Variants in RNF217 observed in about 807,000 individuals in gnomAD.
RNF217 encodes the protein ring finger protein 217, also known as E3 ubiquitin-protein ligase RNF217.
In RNF217, 31 loss-of-function variants were observed where a neutral mutation model predicts 57.8. The ratio of observed to expected loss-of-function variants is 0.54; its 90% CI spans 0.40 to 0.72. The LOEUF is 0.72. RNF217 is among the 30% of genes least tolerant of loss of function. The pLI, the probability that RNF217 is intolerant of heterozygous loss-of-function variation, is 0.00. For missense variants in RNF217, 696 were observed against 708.3 expected, an observed-to-expected ratio of 0.98 and a Z score of 0.20; for synonymous variants, 313 against 294.0, an observed-to-expected ratio of 1.06 and a Z score of -0.66.
At chr6:125,054,318 T>C (rs1176600658) in intron 2 of RNF217, among the ~76,000 whole-genome samples, 1 of 152,134 alleles carries the variant, frequency 6.6e-6, no homozygotes, top group Non-Finnish European at 1.5e-5. Flanking sequence ...CCTCAATTAG[T>C]GAGGTTTAGT....
chr6:125,047,328 G>A (rs9375386), intron 2 of RNF217, among the ~76,000 whole-genome samples: 47,263 of 151,914 alleles, frequency 0.31, 8,205 homozygotes, highest in East Asian at 0.38. Flanking sequence ...TATGGCAATA[G>A]TGAAATGTTT....
At chr6:125,007,351 C>G (rs536742074) in intron 1 of RNF217, among the ~76,000 whole-genome samples, 55 of 151,328 alleles carry the variant, frequency 3.6e-4, no homozygotes, top group Non-Finnish European at 5.3e-4. Context: ...GTTCAAGCGA[C>G]TCTCCTGCCT....
At chr6:125,062,586 T>C (rs1303879009) in intron 3 of RNF217, among the ~76,000 whole-genome samples, 1 of 151,674 alleles carries the variant, frequency 6.6e-6, no homozygotes, top group East Asian at 1.9e-4. Flanking sequence ...TTTGTTTTTG[T>C]TTTTTTTGAG....
chr6:125,053,240 CT>C (rs1460194996), intron 2 of RNF217, among the ~76,000 whole-genome samples: 3 of 152,030 alleles, frequency 2.0e-5, no homozygotes, highest in African/African-American at 4.8e-5. Flanking sequence ...CTTTATAGCT[CT>C]TTTGGTTTAT....
chr6:124,980,257 G>C (rs1392924467), intron 1 of RNF217, among the ~76,000 whole-genome samples: 1 of 152,108 alleles, frequency 6.6e-6, no homozygotes, highest in East Asian at 1.9e-4. Context: ...TTTCAAAAAC[G>C]TTGAGCCACC....
chr6:125,031,175 G>A (rs578150910), intron 1 of RNF217, among the ~76,000 whole-genome samples: 1 of 152,340 alleles, frequency 6.6e-6, no homozygotes, highest in East Asian at 1.9e-4. Flanking sequence ...ACACCCTGGG[G>A]ACTGTGGGCC....
chr6:125,021,892 C>CT (rs1190452244), intron 1 of RNF217, among the ~76,000 whole-genome samples: 1 of 151,694 alleles, frequency 6.6e-6, no homozygotes, highest in Non-Finnish European at 1.5e-5. Context: ...GCCTTCCCCC[C>CT]TTTTTTTGAG....
rs1309029595 is a variant in RNF217, at chr6:125,041,631, C to T, written c.883-3580C>T. On this transcript the variant is annotated intron_variant, in intron 1 of 5. Transcript: ENST00000521654. ...TTGTTTCCTTTGTTTGCTGTCTCTT[C>T]CCCATGTTCTCTGCATAACAGGCCT... 2.0e-5 allele frequency among the ~76,000 whole-genome samples: 3 copies of T among 152,048 alleles called. No individual in the cohort carries two copies. The East Asian group carries it at 5.8e-4, about 29-fold the overall frequency.
At position 124,962,561 on chromosome 6, in the gene RNF217, G is replaced by A. The variant is rs1240503682; in HGVS notation, c.17G>A (p.Ser6Asn). The change falls in exon 1 of 6, where the codon AGC (serine) becomes AAC (asparagine). Residue 6 changes from serine to asparagine, a missense_variant. Around this residue, in one of 2 missense-constraint regions of RNF217, gnomAD observed 465 missense variants for 386.8 expected, o/e 1.20. Transcript: ENST00000521654. The surrounding 1 kb of genome is among the most constrained non-coding windows in gnomAD (Gnocchi z 4.6). The stretch of plus-strand genomic sequence containing the variant: ...CGGGCGGCGATGGGCGAGGAGCAGA[G>A]CACGGTGAGCGGCGGCGGCGGGCCC... MGEEQ[S>N]TVSGGGGPQE... The A allele has an allele frequency of 8.8e-6, 11 of 1,252,180 alleles. No individual in the cohort carries two copies. The highest frequency in any genetic ancestry group is 1.6e-5 in the African/African-American group (1 of 63,444). 77.6% of individuals were successfully genotyped at this position (1,252,180 alleles called of 1,614,324 possible).
chr6:125,025,963 G>A (rs1161299921), intron 1 of RNF217, among the ~76,000 whole-genome samples: 2 of 152,090 alleles, frequency 1.3e-5, no homozygotes, highest in Non-Finnish European at 2.9e-5. Flanking sequence ...GAAGAGGGAG[G>A]TGAAATGGTT....
intron 1 of RNF217, among the ~76,000 whole-genome samples, chr6:124,991,302 T>G: frequency 6.6e-6 from 1 of 152,220 alleles, no homozygotes; most frequent in East Asian, 1.9e-4. Context: ...CATTAGGACC[T>G]TTCCAGTAGC....
intron 1 of RNF217, among the ~76,000 whole-genome samples, chr6:125,034,633 G>T (rs2114486390): frequency 6.6e-6 from 1 of 152,274 alleles, no homozygotes; most frequent in African/African-American, 2.4e-5. Context: ...GTAGCGTGAT[G>T]CCTCCAGCTT....
At chr6:125,035,628 A>T (rs1210107724) in intron 1 of RNF217, among the ~76,000 whole-genome samples, 3 of 152,198 alleles carry the variant, frequency 2.0e-5, no homozygotes, top group African/African-American at 7.2e-5. Flanking sequence ...TCTCTCTTAA[A>T]AATATTAATT....
At chr6:125,058,196 C>A in intron 3 of RNF217, 90 bp downstream of exon 3, 1 of 1,106,968 alleles carries the variant, frequency 9.0e-7, no homozygotes, top group Non-Finnish European at 1.2e-6. Flanking sequence ...TTATAACTGT[C>A]TTAATGCAGG....
intron 1 of RNF217, among the ~76,000 whole-genome samples, chr6:125,003,927 G>A (rs927537697): frequency 6.6e-6 from 1 of 152,148 alleles, no homozygotes; most frequent in Non-Finnish European, 1.5e-5. Context: ...TGGGAACTCA[G>A]AACTAATTGA....
chr6:125,052,937 C>T (rs1787383059), intron 2 of RNF217, among the ~76,000 whole-genome samples: 1 of 152,032 alleles, frequency 6.6e-6, no homozygotes, highest in African/African-American at 2.4e-5. Context: ...CTTACTGGCT[C>T]CATTTATTGT....
At chr6:125,020,463 T>C (rs1241048189) in intron 1 of RNF217, among the ~76,000 whole-genome samples, 1 of 152,224 alleles carries the variant, frequency 6.6e-6, no homozygotes, top group East Asian at 1.9e-4. Context: ...ACTTCTATCA[T>C]GCAGGTCTTT....
intron 1 of RNF217, among the ~76,000 whole-genome samples, chr6:125,022,851 C>A (rs1785897884): frequency 6.6e-6 from 1 of 152,036 alleles, no homozygotes; most frequent in South Asian, 2.1e-4. Flanking sequence ...TATGTCCCTG[C>A]TTGACCTTGA....
At chr6:125,080,537 TTCTC>T (rs1788535976) in intron 4 of RNF217, among the ~76,000 whole-genome samples, 1 of 152,100 alleles carries the variant, frequency 6.6e-6, no homozygotes, top group Admixed American at 6.6e-5. Flanking sequence ...ACTGCAAAGT[TTCTC>T]TCTTTCTCAT....
Sources: gnomAD v4.1 joint callset for allele counts (sites outside exome capture counted in the v4.1 genomes callset) on GRCh38, gnomAD v4.1.1 for gene constraint, gnomAD v4.1.1 regional missense constraint, Gnocchi (gnomAD v3.1) non-coding constraint, MANE v1.5 for transcripts, NCBI Gene and HGNC (gene_info 2026-07-23, HGNC 2026-07-21) for gene names.